The following TRHDE variants were observed in gnomAD, a reference collection of about 807,000 sequenced individuals.
The protein encoded by TRHDE is thyrotropin releasing hormone degrading enzyme.
In TRHDE, 72 loss-of-function variants were observed where a neutral mutation model predicts 125.7. The observed-to-expected ratio is 0.57, with a 90% CI of 0.47 to 0.70. The LOEUF is 0.70. Ranked by LOEUF, TRHDE falls within the 30% of genes least tolerant of loss-of-function variation. The probability of loss-of-function intolerance (pLI) is 0.00; values close to 1 mark genes in which losing one functional copy is unlikely to be tolerated. For missense variants in TRHDE, 1,110 were observed against 1,327.1 expected, an observed-to-expected ratio of 0.84 and a Z score of 2.54; for synonymous variants, 509 against 509.1, an observed-to-expected ratio of 1.00 and a Z score of 0.00.
chr12:72,604,829 CTG>C (rs1351699214), intron 12 of TRHDE, among the ~76,000 whole-genome samples: 3 of 151,974 alleles, frequency 2.0e-5, no homozygotes, highest in Admixed American at 1.3e-4. Flanking sequence ...AACTATGAGA[CTG>C]TTATTAAAAT....
chr12:72,536,324 G>A (rs1195125880), intron 6 of TRHDE, among the ~76,000 whole-genome samples: 5 of 152,106 alleles, frequency 3.3e-5, no homozygotes, highest in Admixed American at 1.3e-4. Context: ...AACATTATAT[G>A]CAAAAGATTT....
intron 7 of TRHDE, among the ~76,000 whole-genome samples, chr12:72,552,222 T>C (rs1370324624): frequency 6.6e-6 from 1 of 152,174 alleles, no homozygotes; most frequent in Non-Finnish European, 1.5e-5. Context: ...GCAGTCAGCA[T>C]ACCAAGAAAG....
intron 2 of TRHDE, among the ~76,000 whole-genome samples, chr12:72,132,253 G>T (rs1034853563): frequency 1.3e-5 from 2 of 152,108 alleles, no homozygotes; most frequent in African/African-American, 4.8e-5. Flanking sequence ...GCTGTCTCTA[G>T]TAGTACTAGT....
intron 6 of TRHDE, among the ~76,000 whole-genome samples, chr12:72,512,582 AATAATCATAT>A (rs1272331492): frequency 7.1e-6 from 1 of 141,270 alleles, no homozygotes; most frequent in Non-Finnish European, 1.5e-5. Context: ...ATAATCATAT[AATAATCATAT>A]ATAATCATAT....
chr12:72,448,656 A>G (rs1449784970), intron 3 of TRHDE, among the ~76,000 whole-genome samples: 1 of 151,956 alleles, frequency 6.6e-6, no homozygotes, highest in Non-Finnish European at 1.5e-5. Flanking sequence ...AAGAATTACA[A>G]CTTACTATCT....
intron 1 of TRHDE, among the ~76,000 whole-genome samples, chr12:72,100,050 A>G (rs927375704): frequency 1.4e-4 from 21 of 152,316 alleles, no homozygotes; most frequent in African/African-American, 4.8e-4. Context: ...AGATTCATCA[A>G]AAATACCAAT....
chr12:72,539,034 A>G (rs547463116), intron 6 of TRHDE, among the ~76,000 whole-genome samples: 141 of 152,008 alleles, frequency 9.3e-4, no homozygotes, highest in Non-Finnish European at 1.5e-3. Flanking sequence ...CTATTTGACC[A>G]CATAAAGTCT....
chr12:72,562,118 T>C, intron 7 of TRHDE, 47 bp from the exon 8 acceptor site: 1 of 846,212 alleles, frequency 1.2e-6, no homozygotes, highest in Non-Finnish European at 1.9e-6. Flanking sequence ...TGTTTACTAG[T>C]TACTGTTTAA....
chr12:72,350,959 A>G (rs1444678570), intron 2 of TRHDE, among the ~76,000 whole-genome samples: 2 of 152,014 alleles, frequency 1.3e-5, no homozygotes, highest in Non-Finnish European at 2.9e-5. Context: ...AGGTAGAACT[A>G]GCCAATTGCA....
intron 2 of TRHDE, among the ~76,000 whole-genome samples, chr12:72,294,228 C>T (rs1044517280): frequency 2.6e-4 from 40 of 152,282 alleles, no homozygotes; most frequent in African/African-American, 9.4e-4. Context: ...GTTCTTTTAG[C>T]CTCACCATTC....
chr12:72,281,018 C>G (rs146977310), intron 1 of TRHDE, among the ~76,000 whole-genome samples: 15 of 152,246 alleles, frequency 9.9e-5, no homozygotes, highest in African/African-American at 3.6e-4. Flanking sequence ...CAATGATGAT[C>G]AAGTACGCAG....
intron 2 of TRHDE, among the ~76,000 whole-genome samples, chr12:72,309,432 T>C (rs1431189124): frequency 6.6e-6 from 1 of 151,810 alleles, no homozygotes; most frequent in Non-Finnish European, 1.5e-5. Flanking sequence ...AGATCAATGA[T>C]GAAAGAGGGT....
chr12:72,408,236 T>A (rs746773059), intron 3 of TRHDE, among the ~76,000 whole-genome samples: 16 of 152,174 alleles, frequency 1.1e-4, no homozygotes, highest in Non-Finnish European at 1.6e-4. Flanking sequence ...ATTCCTTAAT[T>A]CATTCATAAG....
intron 2 of TRHDE, among the ~76,000 whole-genome samples, chr12:72,360,782 G>A (rs1447022546): frequency 6.6e-6 from 1 of 151,706 alleles, no homozygotes; most frequent in East Asian, 1.9e-4. Flanking sequence ...ATGGGAATCG[G>A]ATGAAGGGAG....
intron 2 of TRHDE, among the ~76,000 whole-genome samples, chr12:72,370,994 C>T (rs989616260): frequency 4.6e-5 from 7 of 152,160 alleles, no homozygotes; most frequent in Non-Finnish European, 7.3e-5. Flanking sequence ...ATCCACCTGC[C>T]TTGGCCTCCC....
intron 5 of TRHDE, among the ~76,000 whole-genome samples, chr12:72,498,935 G>T (rs769679937): frequency 5.3e-5 from 8 of 151,086 alleles, no homozygotes; most frequent in East Asian, 1.9e-4. Flanking sequence ...TACTAGTTGT[G>T]GTCTCTTGAA....
intron 12 of TRHDE, among the ~76,000 whole-genome samples, chr12:72,609,557 C>T (rs1280626420): frequency 1.3e-5 from 2 of 152,102 alleles, no homozygotes; most frequent in Non-Finnish European, 2.9e-5. Flanking sequence ...TTTTGTCACG[C>T]TGGTAATAAG....
intron 6 of TRHDE, among the ~76,000 whole-genome samples, chr12:72,520,891 C>G (rs1879163564): frequency 6.6e-6 from 1 of 152,138 alleles, no homozygotes; most frequent in Non-Finnish European, 1.5e-5. Context: ...TAAAATTATA[C>G]TTTTTTCACA....
intron 2 of TRHDE, among the ~76,000 whole-genome samples, chr12:72,115,513 A>C (rs1323122963): frequency 6.6e-6 from 1 of 152,136 alleles, no homozygotes; most frequent in Non-Finnish European, 1.5e-5. Context: ...TAAACACAAG[A>C]GTTCAGATAT....
Sources: allele counts gnomAD v4.1 joint callset (sites outside exome capture counted in the v4.1 genomes callset), GRCh38; gene constraint gnomAD v4.1.1; transcripts MANE v1.5; gene names NCBI Gene and HGNC (gene_info 2026-07-23, HGNC 2026-07-21).